Variants in LRMDA observed in about 807,000 individuals in gnomAD.
LRMDA encodes leucine-rich melanocyte differentiation-associated protein.
A neutral mutation model predicts 29.8 loss-of-function variants in LRMDA; 18 were observed. That is an observed-to-expected ratio of 0.60 (90% confidence interval 0.42 to 0.90). LRMDA has a LOEUF of 0.90. Among genes scored for constraint, LRMDA ranks in the 40% least tolerant of loss-of-function variants. LRMDA has a pLI of 0.00. For synonymous variants in LRMDA, 125 were observed against 109.4 expected (o/e 1.14, Z -0.89); for missense variants, 273 against 273.9 (o/e 1.00, Z 0.02).
intron 2 of LRMDA, among the ~76,000 whole-genome samples, chr10:75,505,572 G>A (rs1257195136): frequency 1.3e-5 from 2 of 152,174 alleles, no homozygotes; most frequent in Non-Finnish European, 2.9e-5. Flanking sequence ...AGTCTCTCCT[G>A]CATCCCATCT....
At chr10:75,470,867 C>T (rs1182272198) in intron 2 of LRMDA, among the ~76,000 whole-genome samples, 1 of 152,170 alleles carries the variant, frequency 6.6e-6, no homozygotes, top group East Asian at 1.9e-4. Flanking sequence ...TTAGGCCAGC[C>T]CTGCCCTGCT....
At chr10:75,646,515 A>G (rs1841523477) in intron 2 of LRMDA, among the ~76,000 whole-genome samples, 1 of 152,244 alleles carries the variant, frequency 6.6e-6, no homozygotes, top group South Asian at 2.1e-4. Flanking sequence ...CAGCTGCTGC[A>G]TACCTACACG....
At chr10:76,193,302 A>C (rs1006613863) in intron 5 of LRMDA, among the ~76,000 whole-genome samples, 1 of 152,176 alleles carries the variant, frequency 6.6e-6, no homozygotes, top group Non-Finnish European at 1.5e-5. Context: ...AAATTTAAAC[A>C]TGTCTTTGAT....
At chr10:76,545,828 T>A (rs1302823614) in intron 6 of LRMDA, among the ~76,000 whole-genome samples, 1 of 152,044 alleles carries the variant, frequency 6.6e-6, no homozygotes, top group Non-Finnish European at 1.5e-5. Context: ...AAAAGCAATG[T>A]CACGAGTTTT....
At chr10:76,354,151 G>A (rs11594150) in intron 6 of LRMDA, among the ~76,000 whole-genome samples, 6,086 of 152,146 alleles carry the variant, frequency 0.04, 225 homozygotes, top group African/African-American at 0.099. Context: ...CGTCCCACCC[G>A]AATACATATG....
intron 2 of LRMDA, among the ~76,000 whole-genome samples, chr10:75,531,443 CA>C (rs1845476291): frequency 6.6e-6 from 1 of 152,176 alleles, no homozygotes; most frequent in Non-Finnish European, 1.5e-5. Flanking sequence ...AGAGTCTGAG[CA>C]AACCTGAGGG....
At chr10:75,671,902 A>G (rs914475539) in intron 2 of LRMDA, among the ~76,000 whole-genome samples, 2 of 152,198 alleles carry the variant, frequency 1.3e-5, no homozygotes, top group African/African-American at 4.8e-5. Context: ...AGAGATGATA[A>G]AAGTTTAAAA....
At chr10:75,506,295 C>T (rs971506962) in intron 2 of LRMDA, among the ~76,000 whole-genome samples, 9 of 152,152 alleles carry the variant, frequency 5.9e-5, no homozygotes, top group Non-Finnish European at 1.2e-4. Flanking sequence ...AAAGAGAACA[C>T]ATTTGTTCCA....
intron 3 of LRMDA, among the ~76,000 whole-genome samples, chr10:76,042,970 G>T (rs1309637625): frequency 6.6e-6 from 1 of 152,020 alleles, no homozygotes; most frequent in Non-Finnish European, 1.5e-5. Context: ...GGGCACAGTG[G>T]CTCACACCTG....
intron 5 of LRMDA, among the ~76,000 whole-genome samples, chr10:76,285,391 A>G (rs757209762): frequency 2.0e-5 from 3 of 151,840 alleles, no homozygotes; most frequent in Non-Finnish European, 2.9e-5. Context: ...TGGCTGAAGA[A>G]TCTCTAATAA....
chr10:76,309,740 A>G (rs1274538879), intron 5 of LRMDA, among the ~76,000 whole-genome samples: 1 of 152,158 alleles, frequency 6.6e-6, no homozygotes, highest in Non-Finnish European at 1.5e-5. Flanking sequence ...GTCCTGTACA[A>G]AACTTGTTTG....
chr10:76,271,583 T>C (rs1840068490), intron 5 of LRMDA, among the ~76,000 whole-genome samples: 1 of 152,212 alleles, frequency 6.6e-6, no homozygotes, highest in Admixed American at 6.5e-5. Flanking sequence ...CCATCTTGTT[T>C]ATTGTTTTCC....
intron 5 of LRMDA, among the ~76,000 whole-genome samples, chr10:76,088,211 A>G (rs1468490385): frequency 6.6e-6 from 1 of 152,180 alleles, no homozygotes; most frequent in Non-Finnish European, 1.5e-5. Flanking sequence ...TCACTGCTGT[A>G]ATCTAGCCGA....
intron 5 of LRMDA, among the ~76,000 whole-genome samples, chr10:76,090,356 T>G (rs1187530495): frequency 6.6e-6 from 1 of 152,168 alleles, no homozygotes; most frequent in Admixed American, 6.5e-5. Flanking sequence ...CATTTCATTG[T>G]TTGGTTGCTT....
intron 2 of LRMDA, among the ~76,000 whole-genome samples, chr10:75,643,569 A>G (rs1264778161): frequency 2.0e-5 from 3 of 152,204 alleles, no homozygotes; most frequent in African/African-American, 7.2e-5. Context: ...GGAAATGGCA[A>G]TGTCACATTC....
intron 5 of LRMDA, among the ~76,000 whole-genome samples, chr10:76,136,527 G>A (rs537366921): frequency 2.6e-5 from 4 of 151,984 alleles, no homozygotes; most frequent in Non-Finnish European, 5.9e-5. Flanking sequence ...CCTAATATGT[G>A]CAAATGATTG....
At chr10:76,477,940 A>G (rs1842693975) in intron 6 of LRMDA, among the ~76,000 whole-genome samples, 1 of 152,228 alleles carries the variant, frequency 6.6e-6, no homozygotes, top group Admixed American at 6.5e-5. Context: ...ACCTAAAACC[A>G]TAAAAACCCT....
At chr10:76,251,694 G>T (rs989894538) in intron 5 of LRMDA, among the ~76,000 whole-genome samples, 1 of 152,180 alleles carries the variant, frequency 6.6e-6, no homozygotes, top group Non-Finnish European at 1.5e-5. Context: ...ACCGGACAAG[G>T]GAAATGGGTC....
At chr10:75,482,785 T>C (rs1844868465) in intron 2 of LRMDA, among the ~76,000 whole-genome samples, 1 of 152,170 alleles carries the variant, frequency 6.6e-6, no homozygotes, top group Non-Finnish European at 1.5e-5. Flanking sequence ...ATATGATAGC[T>C]TTTTAGAAAT....
Sources: gnomAD v4.1 joint callset for allele counts (sites outside exome capture counted in the v4.1 genomes callset) on GRCh38, gnomAD v4.1.1 for gene constraint, MANE v1.5 for transcripts, NCBI Gene and HGNC (gene_info 2026-07-23, HGNC 2026-07-21) for gene names.